The following GHR variants were observed in gnomAD, a reference collection of about 807,000 sequenced individuals.
GHR encodes the protein growth hormone receptor, also known as GH receptor.
GHR carries 35 observed loss-of-function variants against 67.1 expected under a neutral mutation model. The observed-to-expected ratio is 0.52, with a 90% CI of 0.40 to 0.69. The LOEUF is 0.69. Ranked by LOEUF, GHR falls within the 30% of genes least tolerant of loss-of-function variation. The probability of loss-of-function intolerance (pLI) is 0.00; values close to 1 mark genes in which losing one functional copy is unlikely to be tolerated. For synonymous variants in GHR, 272 were observed against 269.1 expected, an observed-to-expected ratio of 1.01 and a Z score of -0.10; for missense variants, 792 against 764.6, an observed-to-expected ratio of 1.04 and a Z score of -0.42.
At position 42,467,718 on chromosome 5, in the gene GHR, A is replaced by G. The variant is rs575239970; in HGVS notation, c.-12+43763A>G. On this transcript the variant is annotated intron_variant, in intron 1 of 9. Coordinates refer to ENST00000230882, the MANE Select transcript of GHR (RefSeq NM_000163.5). ...AGGCCTTCCCACACTCATGACATTC[A>G]AAAGGTTTCTCCCCGGTGTGGATTC... 2.5e-6 allele frequency: 4 copies of G among 1,570,586 alleles called. No individual in the cohort carries two copies. The Admixed American group carries it at 5.1e-5, about 20-fold the overall frequency.
intron 1 of GHR, among the ~76,000 whole-genome samples, chr5:42,446,451 A>G (rs1743810002): frequency 6.6e-6 from 1 of 152,228 alleles, no homozygotes. Context: ...GGGCAGGTGA[A>G]GGGAAAAGTA....
intron 1 of GHR, among the ~76,000 whole-genome samples, chr5:42,444,004 G>GAT (rs1702143859): frequency 1.4e-5 from 2 of 147,302 alleles, no homozygotes; most frequent in Non-Finnish European, 3.0e-5. Flanking sequence ...CATAGACATA[G>GAT]ATAGATATAG....
rs1364768587 is a variant in GHR at position 42,423,960 on chromosome 5, T to G, written c.-12+5T>G. 1 of 153,920 alleles carries G rather than the reference T, an allele frequency of 6.5e-6. No individual in the cohort carries two copies. The highest frequency in any genetic ancestry group is 1.5e-5 in the Non-Finnish European group (1 of 68,448). The allele number at this position is 153,920 out of a possible 1,614,324, so 9.5% of individuals were successfully genotyped here. ...GATCAGAGGCGAAGCTCGGAGGTAC[T>G]GGAGTGGGGCTCCGGGAGTCTGGCT... On this transcript the variant is annotated splice_donor_5th_base_variant and intron_variant, in intron 1 of 9. Transcript: ENST00000230882.
intron 1 of GHR, among the ~76,000 whole-genome samples, chr5:42,474,858 A>G (rs572482898): frequency 4.7e-5 from 7 of 148,930 alleles, no homozygotes; most frequent in Admixed American, 1.3e-4. Context: ...AATTTTCTAC[A>G]ACATTTTTTT....
At chr5:42,445,528 G>T (rs1181520866) in intron 1 of GHR, among the ~76,000 whole-genome samples, 1 of 152,110 alleles carries the variant, frequency 6.6e-6, no homozygotes, top group Non-Finnish European at 1.5e-5. Context: ...AGTGGTCTAG[G>T]AATTATTGTT....
At chr5:42,474,295 G>GAGAAAGAAAGAAAGAAAGGA (rs1745164794) in intron 1 of GHR, among the ~76,000 whole-genome samples, 1 of 81,070 alleles carries the variant, frequency 1.2e-5, no homozygotes, top group Non-Finnish European at 2.4e-5. Context: ...AAAAGAGAAA[G>GAGAAAGAAAGAAAGAAAGGA]AGAAAGAAAG....
intron 2 of GHR, among the ~76,000 whole-genome samples, chr5:42,576,099 TAAATAAAATAAAATA>T (rs1554021413): frequency 1.3e-3 from 93 of 69,170 alleles, no homozygotes; most frequent in South Asian, 2.8e-3. Context: ...TAAAATAAAA[TAAATAAAATAAAATA>T]AAATAAAATA....
At chr5:42,714,372 C>T (rs2111837557) in intron 8 of GHR, among the ~76,000 whole-genome samples, 1 of 152,238 alleles carries the variant, frequency 6.6e-6, no homozygotes, top group East Asian at 1.9e-4. Context: ...AGTTGATCCC[C>T]TTACCTAGAA....
chr5:42,688,229 A>G (rs1757252009), intron 3 of GHR, among the ~76,000 whole-genome samples: 1 of 152,162 alleles, frequency 6.6e-6, no homozygotes, highest in African/African-American at 2.4e-5. Flanking sequence ...TGTCATCACA[A>G]CTGTCTATGG....
intron 2 of GHR, among the ~76,000 whole-genome samples, chr5:42,606,200 G>A (rs962014587): frequency 6.6e-6 from 1 of 152,116 alleles, no homozygotes; most frequent in Non-Finnish European, 1.5e-5. Context: ...GGATTGAGCT[G>A]GGGGAGAAGG....
At chr5:42,584,535 G>T (rs764713972) in intron 2 of GHR, among the ~76,000 whole-genome samples, 149 of 152,260 alleles carry the variant, frequency 9.8e-4, no homozygotes, top group Non-Finnish European at 1.0e-3. Flanking sequence ...CCGTGTGTGT[G>T]TTTTGTGTAT....
chr5:42,660,578 C>A (rs1755537343), intron 3 of GHR, among the ~76,000 whole-genome samples: 1 of 152,042 alleles, frequency 6.6e-6, no homozygotes, highest in African/African-American at 2.4e-5. Context: ...AACTAACAAA[C>A]AGAAAGGACA....
intron 3 of GHR, among the ~76,000 whole-genome samples, chr5:42,666,880 TGAGGAATAAG>T (rs1482563887): frequency 8.5e-5 from 13 of 152,274 alleles, no homozygotes; most frequent in Non-Finnish European, 1.6e-4. Context: ...TCAATAACTG[TGAGGAATAAG>T]GAAACTTGCC....
At chr5:42,485,760 A>G (rs1745851229) in intron 1 of GHR, among the ~76,000 whole-genome samples, 1 of 152,362 alleles carries the variant, frequency 6.6e-6, no homozygotes, top group South Asian at 2.1e-4. Flanking sequence ...TAGATTCATT[A>G]TTACTGTGCA....
At chr5:42,501,277 T>G (rs1746530351) in intron 1 of GHR, among the ~76,000 whole-genome samples, 1 of 152,170 alleles carries the variant, frequency 6.6e-6, no homozygotes. Flanking sequence ...TAAAGAAGTG[T>G]CAAGCTGTCA....
At position 42,565,908 on chromosome 5, in the gene GHR, C is replaced by T. The variant is rs1437977068; in HGVS notation, c.34C>T (p.Leu12=). 5 of 1,614,088 alleles carry T rather than the reference C, an allele frequency of 3.1e-6. No individual in the cohort carries two copies. In the East Asian group the frequency reaches 1.1e-4, roughly 36 times the overall value. ...CTGGCAGCTGCTGTTGACCTTGGCA[C>T]TGGCAGGATCAAGTGATGCTTTTTC... The part of the protein sequence containing the change: ...DLWQLLLTLA[L]AGSSDAFSGS... Residue 12 remains leucine, a synonymous_variant, in exon 2 of 10, where the codon CTG becomes TTG. Coordinates refer to ENST00000230882, the MANE Select transcript of GHR (RefSeq NM_000163.5).
At chr5:42,650,151 T>G (rs1250246909) in intron 3 of GHR, among the ~76,000 whole-genome samples, 1 of 151,866 alleles carries the variant, frequency 6.6e-6, no homozygotes, top group East Asian at 1.9e-4. Flanking sequence ...TCTTAAGTAC[T>G]TAAAATCTAC....
At chr5:42,618,242 T>G (rs1000026399) in intron 2 of GHR, among the ~76,000 whole-genome samples, 1 of 152,098 alleles carries the variant, frequency 6.6e-6, no homozygotes, top group Admixed American at 6.6e-5. Context: ...CACTTCCATG[T>G]TGGCCAAAAG....
intron 1 of GHR, among the ~76,000 whole-genome samples, chr5:42,465,208 G>A (rs571699441): frequency 1.4e-3 from 206 of 152,322 alleles, no homozygotes; most frequent in Admixed American, 2.8e-3. Flanking sequence ...ATAGCTGGGC[G>A]CAGAGGCTGC....
Sources: gnomAD v4.1 joint callset for allele counts (sites outside exome capture counted in the v4.1 genomes callset) on GRCh38, gnomAD v4.1.1 for gene constraint, MANE v1.5 for transcripts, NCBI Gene and HGNC (gene_info 2026-07-23, HGNC 2026-07-21) for gene names.